Variants in BRWD1 observed in about 807,000 individuals in gnomAD.
The protein encoded by BRWD1 is bromodomain and WD repeat domain containing 1.
Under a neutral mutation model 251.2 loss-of-function variants are expected in BRWD1, and 82 were observed. The observed-to-expected ratio is 0.33, with a 90% CI of 0.27 to 0.39. BRWD1 has a LOEUF of 0.39. BRWD1 is among the 10% of genes least tolerant of loss of function. The pLI, the probability that BRWD1 is intolerant of heterozygous loss-of-function variation, is 1.00. For missense variants in BRWD1, 2,233 were observed against 2,711.6 expected, an observed-to-expected ratio of 0.82 and a Z score of 3.92; for synonymous variants, 918 against 902.8, an observed-to-expected ratio of 1.02 and a Z score of -0.30.
rs758616363 is a variant in BRWD1, at chr21:39,269,945, A to G, written c.1484T>C (p.Ile495Thr). 2 of 1,576,864 alleles carry G rather than the reference A, an allele frequency of 1.3e-6. No homozygotes were observed. The highest frequency in any genetic ancestry group is 1.4e-5 in the African/African-American group (1 of 73,696). Reference sequence around the variant, plus strand: ...CTTGGTACCTTTTGTAATATCCCATATAAATATGCTGCCATCATGTCCTGC... The same window carrying G: ...CTTGGTACCTTTTGTAATATCCCATGTAAATATGCTGCCATCATGTCCTGC... ...LSAGHDGSIF[I>T]WDITKGTKMK... is the part of the protein sequence containing the mutation. The change falls in exon 15 of 41, where the codon ATA becomes ACA. Residue 495 changes from isoleucine (I) to threonine (T), a missense_variant. This residue lies in a region of BRWD1 where 315 missense variants were observed against 421.8 expected (regional missense o/e 0.75). Transcript: ENST00000342449.
At chr21:39,239,553 G>A (rs2033920923) in intron 21 of BRWD1, among the ~76,000 whole-genome samples, 1 of 152,146 alleles carries the variant, frequency 6.6e-6, no homozygotes, top group African/African-American at 2.4e-5. Flanking sequence ...CAGCATCACT[G>A]TCTTGAAAAC....
At chr21:39,279,664 AAAAAG>A (rs1568945566) in intron 9 of BRWD1, among the ~76,000 whole-genome samples, 1 of 87,652 alleles carries the variant, frequency 1.1e-5, no homozygotes, top group African/African-American at 3.1e-5. Context: ...AAAGAAAAAA[AAAAAG>A]AAAACGAAAA....
chr21:39,190,184 A>C lies in BRWD1; in HGVS notation c.*6075T>G. The C allele has an allele frequency of 2.0e-6, 2 of 984,650 alleles. No individual in the cohort carries two copies. The highest frequency in any genetic ancestry group is 2.4e-6 in the Non-Finnish European group (2 of 829,246). 61.0% of individuals were successfully genotyped at this position (984,650 alleles called of 1,614,324 possible). A position where few individuals can be genotyped will look rare whatever the true frequency, so the allele number is the denominator to read the frequency against. On this transcript the variant is annotated 3_prime_UTR_variant, in exon 41 of 41. Transcript: ENST00000342449. ...AAACATAACAGTTCTGACTCAACACAATCTCTAGTTTCTACATTTCAAGGA... is the reference window on the plus strand; with the variant it reads ...AAACATAACAGTTCTGACTCAACACCATCTCTAGTTTCTACATTTCAAGGA...
chr21:39,190,375 C>T lies in BRWD1; in HGVS notation c.*5884G>A. 1.0e-6 allele frequency: 1 copy of T among 985,150 alleles called. No individual in the cohort carries two copies. The highest frequency in any genetic ancestry group is 1.7e-5 in the African/African-American group (1 of 57,300). The allele number at this position is 985,150 out of a possible 1,614,324, so 61.0% of individuals were successfully genotyped here. A position where few individuals can be genotyped will look rare whatever the true frequency, so the allele number is the denominator to read the frequency against. ...TTCATTGGCATTTTTAAAATTGGAG[C>T]ATTTAAAACAGATTTGAGAATGAGA... On this transcript the variant is annotated 3_prime_UTR_variant, in exon 41 of 41. Transcript: ENST00000342449.
At position 39,247,754 on chromosome 21, in the gene BRWD1, G is replaced by C; in HGVS notation, c.2428C>G (p.Arg810Gly). The C allele has an allele frequency of 6.2e-7, 1 of 1,613,492 alleles. No individual in the cohort carries two copies. The highest frequency in any genetic ancestry group is 8.5e-7 in the Non-Finnish European group (1 of 1,179,772). ...RKYPNYGRRN[R>G]SWRELSSGNE... ...CCAGAAGATAACTCACGCCAGCTACGATTTCTTCTACCATAATTTGGATAT... is the reference window on the plus strand; with the variant it reads ...CCAGAAGATAACTCACGCCAGCTACCATTTCTTCTACCATAATTTGGATAT... Residue 810 changes from arginine to glycine, a missense_variant, in exon 21 of 41, where the codon CGT becomes GGT. Arg to Gly is a moderately radical substitution (Grantham distance 125). This residue lies in a region of BRWD1 where 214 missense variants were observed against 222.0 expected (regional missense o/e 0.96). Coordinates refer to ENST00000342449, the MANE Select transcript of BRWD1 (RefSeq NM_033656.4).
At chr21:39,252,068 AC>A (rs2034412727) in intron 19 of BRWD1, among the ~76,000 whole-genome samples, 1 of 151,950 alleles carries the variant, frequency 6.6e-6, no homozygotes, top group South Asian at 2.1e-4. Flanking sequence ...GGAGTTCACG[AC>A]CAGCCTGGCC....
intron 21 of BRWD1, among the ~76,000 whole-genome samples, chr21:39,245,397 TA>T (rs1250866971): frequency 6.6e-6 from 1 of 152,126 alleles, no homozygotes; most frequent in Non-Finnish European, 1.5e-5. Flanking sequence ...AAGTACATAT[TA>T]CATAGGCAGA....
rs761552537 is a variant in BRWD1, at chr21:39,196,412, G to C, written c.6657C>G (p.Asp2219Glu). 3.7e-6 allele frequency: 6 copies of C among 1,613,650 alleles called. No homozygotes were observed. Among genetic ancestry groups the C allele is most frequent in the Non-Finnish European group, 4.2e-6 (5 of 1,179,782 alleles). Residue 2219 changes from aspartate (D) to glutamate (E), a missense_variant, in exon 41 of 41, where the codon GAC (aspartate) becomes GAG (glutamate). Asp to Glu is a conservative substitution (Grantham distance 45). Transcript: ENST00000342449. The part of the protein sequence containing the change: ...KRPRLSVDDN[D>E]WEDLDYAKSK... Reference sequence around the variant, plus strand: ...ATTTTGCATAGTCCAAATCCTCCCAGTCATTATCATCCACACTTAACCTAG... The same window carrying C: ...ATTTTGCATAGTCCAAATCCTCCCACTCATTATCATCCACACTTAACCTAG...
intron 26 of BRWD1, 22 bp downstream of exon 26, chr21:39,229,288 TCC>T: frequency 6.4e-7 from 1 of 1,552,102 alleles, no homozygotes; most frequent in Non-Finnish European, 8.8e-7. Flanking sequence ...TTTAAGTAAT[TCC>T]ATTTTAAAAA....
Position 39,187,637 on chromosome 21 carries a change from A to G in BRWD1, c.*8622T>C. Reference sequence around the variant, plus strand: ...TAAGGATGTCACTTAAAACAGTAGCAGACTTGTAAGAATGGGGTGAAAAGT... The same window carrying G: ...TAAGGATGTCACTTAAAACAGTAGCGGACTTGTAAGAATGGGGTGAAAAGT... On this transcript the variant is annotated 3_prime_UTR_variant, in exon 41 of 41. Coordinates refer to ENST00000342449, the MANE Select transcript of BRWD1 (RefSeq NM_033656.4). The G allele has an allele frequency of 1.0e-6, 1 of 985,386 alleles. No individual in the cohort carries two copies. Among genetic ancestry groups the G allele is most frequent in the Middle Eastern group, 5.2e-4 (1 of 1,914 alleles). The allele number at this position is 985,386 out of a possible 1,614,324, so 61.0% of individuals were successfully genotyped here.
Position 39,196,054 on chromosome 21 carries a change from A to G in BRWD1, c.*205T>C, listed in dbSNP as rs971704797. 1 of 1,288,122 alleles carries G rather than the reference A, an allele frequency of 7.8e-7. No homozygotes were observed. The highest frequency in any genetic ancestry group is 1.5e-5 in the African/African-American group (1 of 64,760). 79.8% of individuals were successfully genotyped at this position (1,288,122 alleles called of 1,614,324 possible). On this transcript the variant is annotated 3_prime_UTR_variant, in exon 41 of 41. Coordinates refer to ENST00000342449, the MANE Select transcript of BRWD1 (RefSeq NM_033656.4). ...TAGATCTGCCCCCAAAATGAAGCAT[A>G]TTTTGGCACCTGTGCTGAATGCTGC...
chr21:39,273,459 A>C (rs1235310173), intron 13 of BRWD1, among the ~76,000 whole-genome samples: 1 of 152,260 alleles, frequency 6.6e-6, no homozygotes, highest in Non-Finnish European at 1.5e-5. Context: ...GAGCTACAGC[A>C]GAGAATATAA....
rs759485121 is a variant in BRWD1 at position 39,206,166 on chromosome 21, G to C, written c.4306C>G (p.Gln1436Glu). 1.2e-6 allele frequency: 2 copies of C among 1,613,446 alleles called. No individual in the cohort carries two copies. The highest frequency in any genetic ancestry group is 1.7e-5 in the Admixed American group (1 of 59,928). The change falls in exon 37 of 41, where the codon CAG becomes GAG. Residue 1436 changes from glutamine (Q) to glutamate (E), a missense_variant. Around this residue, in one of 12 missense-constraint regions of BRWD1, gnomAD observed 928 missense variants for 970.0 expected, o/e 0.96. Transcript: ENST00000342449. ...CAATTTTGCCGTTGCTTGAACCTCT[G>C]GCTTCTTCGAAGTTTTTCATTGAAT... ...QKFNEKLRRS[Q>E]RFKQRQNCKG...
intron 29 of BRWD1, among the ~76,000 whole-genome samples, chr21:39,223,685 G>A (rs1335701907): frequency 6.6e-6 from 1 of 152,138 alleles, no homozygotes; most frequent in Admixed American, 6.5e-5. Flanking sequence ...AGGACAGGCT[G>A]GCTTTAAATA....
Position 39,296,382 on chromosome 21 carries a change from A to G in BRWD1, c.350-19T>C, listed in dbSNP as rs2035962718. 6.5e-7 allele frequency: 1 copy of G among 1,545,874 alleles called. No individual in the cohort carries two copies. The highest frequency in any genetic ancestry group is 8.7e-7 in the Non-Finnish European group (1 of 1,151,782). The stretch of plus-strand genomic sequence containing the variant: ...CTGCAGTCTTTAAAATGAATTTTAG[A>G]TACACATAAAATCTTGAAAGTTAAC... On this transcript the variant is annotated intron_variant, in intron 5 of 40. Transcript: ENST00000342449.
intron 25 of BRWD1, among the ~76,000 whole-genome samples, chr21:39,230,217 C>T (rs1381150172): frequency 1.3e-5 from 2 of 152,238 alleles, no homozygotes; most frequent in African/African-American, 2.4e-5. Flanking sequence ...AGGGACAGGA[C>T]GGTAAACAAG....
At chr21:39,269,871 G>A in intron 15 of BRWD1, 28 bp downstream of exon 15, 2 of 1,451,214 alleles carry the variant, frequency 1.4e-6, no homozygotes, top group South Asian at 1.6e-5. Context: ...TATCAAGCAT[G>A]TATCAAGGTA....
At chr21:39,256,678 T>C (rs1238923940) in intron 18 of BRWD1, among the ~76,000 whole-genome samples, 5 of 152,174 alleles carry the variant, frequency 3.3e-5, no homozygotes, top group African/African-American at 1.2e-4. Flanking sequence ...GACTAGCCTC[T>C]GAGGAGGAAG....
intron 8 of BRWD1, 140 bp from the exon 9 acceptor site, chr21:39,280,388 T>G: frequency 1.6e-6 from 1 of 641,300 alleles, no homozygotes; most frequent in Non-Finnish European, 2.7e-6. Flanking sequence ...ACTACCGTAG[T>G]GAAAAAATCA....
Sources: allele counts gnomAD v4.1 joint callset (sites outside exome capture counted in the v4.1 genomes callset), GRCh38; gene constraint gnomAD v4.1.1; regional missense constraint gnomAD v4.1.1; transcripts MANE v1.5; gene names NCBI Gene and HGNC (gene_info 2026-07-23, HGNC 2026-07-21).